BYSL: variants seen among roughly 807,000 people sequenced by gnomAD.
The protein encoded by BYSL is bystin like.
BYSL carries 21 observed loss-of-function variants against 45.4 expected under a neutral mutation model. That is an observed-to-expected ratio of 0.46 (90% confidence interval 0.33 to 0.67). The LOEUF is 0.67. Among genes scored for constraint, BYSL ranks in the 30% least tolerant of loss-of-function variants. BYSL has a pLI of 0.02. For synonymous variants in BYSL, 215 were observed against 231.3 expected (o/e 0.93, Z 0.64); for missense variants, 522 against 578.5 (o/e 0.90, Z 1.00).
At chr6:41,911,841 A>C in the BYSL span, among the ~76,000 whole-genome samples, 61 of 151,842 alleles carry the variant, frequency 4.0e-4, no homozygotes, top group South Asian at 2.1e-3. Context: ...CCAGTTCCAA[A>C]CTTCTCGACT....
At chr6:41,909,581 G>C in the BYSL span, 511 of 1,585,000 alleles carry the variant, frequency 3.2e-4, 2 homozygotes, top group African/African-American at 5.8e-3. Flanking sequence ...CCCCAGAGTA[G>C]AGTCAAATGA....
At chr6:41,911,205 C>T in the BYSL span, among the ~76,000 whole-genome samples, 1 of 149,422 alleles carries the variant, frequency 6.7e-6, no homozygotes, top group Non-Finnish European at 1.5e-5. Flanking sequence ...GGCTGTAGTG[C>T]AATGGTGCAA....
At chr6:41,916,966 G>A (rs774367486), upstream of BYSL, 1 of 1,612,796 alleles carries the variant, frequency 6.2e-7, no homozygotes, top group African/African-American at 1.3e-5. Flanking sequence ...CAAATCGTCA[G>A]TTATCCAGAG....
intron 1 of BYSL, among the ~76,000 whole-genome samples, chr6:41,926,833 G>A (rs879436609): frequency 3.7e-4 from 56 of 150,154 alleles, no homozygotes; most frequent in Non-Finnish European, 6.7e-4. Context: ...AGTGGCTCAC[G>A]CCCTGTAATC....
Position 41,930,788 on chromosome 6 carries a change from G to A in BYSL, c.704+20G>A, listed in dbSNP as rs370826784. 35 of 1,603,982 alleles carry A rather than the reference G, an allele frequency of 2.2e-5. No homozygotes were observed. The South Asian group carries it at 2.7e-4, about 12-fold the overall frequency. ...CACCAGGTAGAGTAGCTGGGGGTTC[G>A]GGGGCCTTGGGTTTATAGGTGCAGG... On this transcript the variant is annotated intron_variant, in intron 4 of 6. Transcript: ENST00000230340.
At chr6:41,909,432 G>A in the BYSL span, 3 of 1,614,102 alleles carry the variant, frequency 1.9e-6, no homozygotes, top group South Asian at 2.2e-5. Context: ...GTTGGTGTCA[G>A]CAATAAGGCA....
chr6:41,908,774 T>C, the BYSL span, among the ~76,000 whole-genome samples: 1 of 152,134 alleles, frequency 6.6e-6, no homozygotes, highest in Non-Finnish European at 1.5e-5. Flanking sequence ...CGCTTCCTAC[T>C]TGCCAGCTGT....
At chr6:41,923,890 G>A (rs751787739) in intron 1 of BYSL, among the ~76,000 whole-genome samples, 13 of 152,126 alleles carry the variant, frequency 8.5e-5, no homozygotes, top group Non-Finnish European at 1.3e-4. Flanking sequence ...TGCCTTAAAC[G>A]TGGGAAATTA....
At position 41,931,434 on chromosome 6, in the gene BYSL, G is replaced by C. The variant is rs753749685; in HGVS notation, c.743G>C (p.Arg248Pro). 2 of 1,614,054 alleles carry C rather than the reference G, an allele frequency of 1.2e-6. No individual in the cohort carries two copies. The highest frequency in any genetic ancestry group is 2.7e-5 in the African/African-American group (2 of 74,916). Reference protein sequence around the residue: ...ASNLKERMAQRFYNLVLLPRV... With the variant: ...ASNLKERMAQPFYNLVLLPRV... ...AACCTGAAGGAACGCATGGCCCAGC[G>C]CTTCTACAACCTTGTCCTGCTCCCT... is the stretch of plus-strand genomic sequence containing the variant. Residue 248 changes from arginine to proline, a missense_variant, in exon 5 of 7, where the codon CGC (arginine) becomes CCC (proline). Transcript: ENST00000230340.
At chr6:41,921,157 G>T, upstream of BYSL, 1 of 1,114,428 alleles carries the variant, frequency 9.0e-7, no homozygotes, top group Non-Finnish European at 1.3e-6. Context: ...CAGAGCGCCG[G>T]GTCCACGCCT....
Position 41,930,151 on chromosome 6 carries a change from A to G in BYSL, c.451A>G (p.Ile151Val), listed in dbSNP as rs764811902. 1 of 1,614,112 alleles carries G rather than the reference A, an allele frequency of 6.2e-7. No homozygotes were observed. Among genetic ancestry groups the G allele is most frequent in the East Asian group, 2.2e-5 (1 of 44,888 alleles). Residue 151 changes from isoleucine (I) to valine (V), a missense_variant, in exon 3 of 7, where the codon ATC (isoleucine) becomes GTC (valine). Coordinates refer to ENST00000230340, the MANE Select transcript of BYSL (RefSeq NM_004053.4). ...PPARRTLADI[I>V]MEKLTEKQTE... Reference sequence around the variant, plus strand: ...TCTTAGGCGCACCCTGGCTGACATCATCATGGAGAAGCTGACTGAGAAGCA... The same window carrying G: ...TCTTAGGCGCACCCTGGCTGACATCGTCATGGAGAAGCTGACTGAGAAGCA...
chr6:41,930,069 T>C (rs1395063315), intron 2 of BYSL, 63 bp from the exon 3 acceptor site: 1 of 1,600,862 alleles, frequency 6.2e-7, no homozygotes. Context: ...TGGAGCTTCC[T>C]GGACAGTGAC....
At chr6:41,919,168 C>T (rs1446166828), upstream of BYSL, among the ~76,000 whole-genome samples, 1 of 143,140 alleles carries the variant, frequency 7.0e-6, no homozygotes, top group African/African-American at 2.6e-5. Context: ...AACTTAAGTA[C>T]AGCACAAAGA....
At chr6:41,921,357 G>GT, upstream of BYSL, 1 of 659,666 alleles carries the variant, frequency 1.5e-6, no homozygotes, top group Non-Finnish European at 2.5e-6. Flanking sequence ...GTTAAAGGCA[G>GT]TGAATATATT....
intron 4 of BYSL, among the ~76,000 whole-genome samples, 161 bp from the exon 5 acceptor site, chr6:41,931,235 A>T (rs1290768283): frequency 6.7e-6 from 1 of 148,708 alleles, no homozygotes. Context: ...CTCTAAGCTG[A>T]TGGGTGTTGC....
the BYSL span, among the ~76,000 whole-genome samples, chr6:41,910,084 T>C: frequency 6.6e-6 from 1 of 152,228 alleles, no homozygotes; most frequent in East Asian, 1.9e-4. Context: ...ATAGGTCTTA[T>C]CTACCATGCC....
In BYSL at chr6:41,932,462, T is replaced by C. The variant is rs1287264019; in HGVS notation, c.1070T>C (p.Leu357Pro). The C allele has an allele frequency of 6.2e-7, 1 of 1,614,200 alleles. No homozygotes were observed. Among genetic ancestry groups the C allele is most frequent in the Non-Finnish European group, 8.5e-7 (1 of 1,180,040 alleles). Residue 357 changes from leucine to proline, a missense_variant, in exon 7 of 7, where the codon CTG becomes CCG. Coordinates refer to ENST00000230340, the MANE Select transcript of BYSL (RefSeq NM_004053.4). This position sits in a 1 kb window ranked among gnomAD's most constrained non-coding sequence, Gnocchi z 4.7. ...DKKYALPYRVLDALVFHFLGF... is the reference protein window; with the variant it reads ...DKKYALPYRVPDALVFHFLGF... Reference sequence around the variant, plus strand: ...AAGTATGCACTGCCTTACCGGGTGCTGGATGCCCTAGTCTTCCACTTCCTG... The same window carrying C: ...AAGTATGCACTGCCTTACCGGGTGCCGGATGCCCTAGTCTTCCACTTCCTG...
chr6:41,911,147 C>G, the BYSL span, among the ~76,000 whole-genome samples: 1 of 150,144 alleles, frequency 6.7e-6, no homozygotes, highest in Non-Finnish European at 1.5e-5. Context: ...GAGAGATAGG[C>G]TAAAAACTTT....
At chr6:41,916,724 A>G (rs1775323562), upstream of BYSL, 1 of 1,587,278 alleles carries the variant, frequency 6.3e-7, no homozygotes, top group Non-Finnish European at 8.6e-7. Context: ...ACTTCAATTA[A>G]CTCAAATGTC....
Sources: allele counts gnomAD v4.1 joint callset (sites outside exome capture counted in the v4.1 genomes callset), GRCh38; gene constraint gnomAD v4.1.1; non-coding constraint Gnocchi (gnomAD v3.1); transcripts MANE v1.5; gene names NCBI Gene and HGNC (gene_info 2026-07-23, HGNC 2026-07-21).